Variants in PITPNC1 observed in about 807,000 individuals in gnomAD.
PITPNC1 encodes the protein phosphatidylinositol transfer protein cytoplasmic 1.
PITPNC1 carries 18 observed loss-of-function variants against 44.7 expected under a neutral mutation model. The observed-to-expected ratio is 0.40, with a 90% CI of 0.28 to 0.60. The LOEUF (loss-of-function observed/expected upper bound fraction) is 0.60, where lower values mean the gene tolerates loss of function less well. Ranked by LOEUF, PITPNC1 falls within the 20% of genes least tolerant of loss-of-function variation. The probability of loss-of-function intolerance (pLI) is 0.39; values close to 1 mark genes in which losing one functional copy is unlikely to be tolerated. For synonymous variants in PITPNC1, 141 were observed against 149.6 expected (o/e 0.94, Z 0.42); for missense variants, 290 against 418.4 (o/e 0.69, Z 2.68).
At chr17:67,425,197 G>GCGCGCGCGCGCGCGCGCA (rs748898605) in intron 1 of PITPNC1, among the ~76,000 whole-genome samples, 6 of 98,428 alleles carry the variant, frequency 6.1e-5, no homozygotes, top group Admixed American at 1.1e-4. Context: ...GCGCGCGCAC[G>GCGCGCGCGCGCGCGCGCA]CACACGCACA....
rs1381714898 is a variant in PITPNC1 at position 67,695,250 on chromosome 17, G to A, written c.*2362G>A. The A allele has an allele frequency of 2.0e-5, 3 of 152,124 alleles. No individual in the cohort carries two copies. Among genetic ancestry groups the A allele is most frequent in the Non-Finnish European group, 2.9e-5 (2 of 68,022 alleles). 9.4% of individuals were successfully genotyped at this position (152,124 alleles called of 1,614,324 possible). ...ACATATGCTTTGTGTGAGTTAAAAA[G>A]GGGGTGGGTGGTGTAAATATTCCTT... On this transcript the variant is annotated 3_prime_UTR_variant, in exon 9 of 9. Coordinates refer to ENST00000581322, the MANE Select transcript of PITPNC1 (RefSeq NM_012417.4).
At chr17:67,623,109 C>CAAAAAAAAA (rs1198070826) in intron 5 of PITPNC1, among the ~76,000 whole-genome samples, 7 of 85,274 alleles carry the variant, frequency 8.2e-5, no homozygotes, top group East Asian at 4.1e-4. Context: ...TCCCAAAAGC[C>CAAAAAAAAA]AAAAAAAAAA....
At chr17:67,419,007 G>A (rs1200720947) in intron 1 of PITPNC1, among the ~76,000 whole-genome samples, 1 of 152,164 alleles carries the variant, frequency 6.6e-6, no homozygotes, top group African/African-American at 2.4e-5. Context: ...TCTTAGGTTT[G>A]GCTTGATATT....
chr17:67,418,217 A>G (rs1354709839), intron 1 of PITPNC1, among the ~76,000 whole-genome samples: 1 of 152,220 alleles, frequency 6.6e-6, no homozygotes, highest in East Asian at 1.9e-4. Context: ...CCTTGAGACT[A>G]TATAAAGCTC....
At chr17:67,624,590 C>T (rs1290520766) in intron 5 of PITPNC1, among the ~76,000 whole-genome samples, 3 of 151,956 alleles carry the variant, frequency 2.0e-5, no homozygotes, top group African/African-American at 7.3e-5. Flanking sequence ...GTCATGCAAT[C>T]TTGGCTCAGT....
intron 1 of PITPNC1, among the ~76,000 whole-genome samples, chr17:67,383,396 A>G (rs1345266652): frequency 6.6e-6 from 1 of 152,182 alleles, no homozygotes; most frequent in Non-Finnish European, 1.5e-5. Flanking sequence ...TCCTTGGTGG[A>G]AGAAAATATT....
At chr17:67,561,221 C>T (rs1298150029) in intron 4 of PITPNC1, among the ~76,000 whole-genome samples, 7 of 152,074 alleles carry the variant, frequency 4.6e-5, no homozygotes, top group Non-Finnish European at 7.4e-5. Flanking sequence ...TCTGGGAGGC[C>T]GAGGCAGGTG....
intron 1 of PITPNC1, among the ~76,000 whole-genome samples, chr17:67,401,738 G>C (rs1051106653): frequency 2.6e-5 from 4 of 152,034 alleles, no homozygotes; most frequent in African/African-American, 9.7e-5. Flanking sequence ...CAGATACTCA[G>C]GAGGCTGAGG....
chr17:67,612,471 G>A (rs1466917367), intron 5 of PITPNC1: 1 of 152,290 alleles, frequency 6.6e-6, no homozygotes, highest in Non-Finnish European at 1.5e-5. Flanking sequence ...CTCACTTCCA[G>A]GTGATGAAAT....
At chr17:67,444,937 G>A (rs970867815) in intron 1 of PITPNC1, among the ~76,000 whole-genome samples, 1 of 151,962 alleles carries the variant, frequency 6.6e-6, no homozygotes, top group Non-Finnish European at 1.5e-5. Flanking sequence ...ATTAGTGTGC[G>A]CTGTGGGAGG....
chr17:67,403,147 C>T (rs1381022032), intron 1 of PITPNC1, among the ~76,000 whole-genome samples: 1 of 134,390 alleles, frequency 7.4e-6, no homozygotes, highest in Non-Finnish European at 1.5e-5. Flanking sequence ...TCCCAAGGGG[C>T]CAAGGCGGGA....
At chr17:67,663,567 CA>C (rs1335332776) in intron 6 of PITPNC1, among the ~76,000 whole-genome samples, 2 of 141,710 alleles carry the variant, frequency 1.4e-5, no homozygotes, top group African/African-American at 5.2e-5. Flanking sequence ...GACTCCATCT[CA>C]AAAAAAAAGG....
At chr17:67,489,512 G>A (rs995702508) in intron 1 of PITPNC1, among the ~76,000 whole-genome samples, 1 of 152,156 alleles carries the variant, frequency 6.6e-6, no homozygotes, top group Non-Finnish European at 1.5e-5. Context: ...CATGTTAGCT[G>A]CTCACGGGAT....
intron 1 of PITPNC1, among the ~76,000 whole-genome samples, chr17:67,416,849 G>A (rs1055787994): frequency 6.6e-6 from 1 of 151,908 alleles, no homozygotes; most frequent in African/African-American, 2.4e-5. Context: ...TTTCTCTCTT[G>A]TTGCCCAGGC....
At position 67,587,977 on chromosome 17, in the gene PITPNC1, G is replaced by T. The variant is rs1030625827; in HGVS notation, c.366+9720G>T. 7.9e-5 allele frequency among the ~76,000 whole-genome samples: 12 copies of T among 152,214 alleles called. 1 individual carries two copies. The highest frequency in any genetic ancestry group is 2.6e-4 in the African/African-American group (11 of 41,532). On this transcript the variant is annotated intron_variant, in intron 5 of 8. Transcript: ENST00000581322. ...AGCTGTATTTATTGAGGCTTGCTAT[G>T]ACAATAGCCATCGTGAAGTTTGTTT...
intron 5 of PITPNC1, among the ~76,000 whole-genome samples, chr17:67,586,610 T>C (rs1001727500): frequency 4.6e-5 from 7 of 150,852 alleles, no homozygotes; most frequent in Admixed American, 1.3e-4. Flanking sequence ...AAAAAAAAAA[T>C]GTATACTAAA....
chr17:67,543,029 C>T (rs1185303799), intron 2 of PITPNC1, among the ~76,000 whole-genome samples: 1 of 152,048 alleles, frequency 6.6e-6, no homozygotes, highest in Non-Finnish European at 1.5e-5. Context: ...AAAAAGGAGG[C>T]GTGAGGCTTT....
At chr17:67,626,917 A>G (rs1208289582) in intron 5 of PITPNC1, among the ~76,000 whole-genome samples, 5 of 152,032 alleles carry the variant, frequency 3.3e-5, no homozygotes, top group Non-Finnish European at 7.4e-5. Context: ...TTAGTTCTCC[A>G]GGCACTTATT....
chr17:67,648,851 G>C (rs1198054568), intron 6 of PITPNC1, among the ~76,000 whole-genome samples: 1 of 152,060 alleles, frequency 6.6e-6, no homozygotes, highest in Non-Finnish European at 1.5e-5. Flanking sequence ...ACAGTAGCTG[G>C]GGCATCTGCA....
Sources: gnomAD v4.1 joint callset for allele counts (sites outside exome capture counted in the v4.1 genomes callset) on GRCh38, gnomAD v4.1.1 for gene constraint, MANE v1.5 for transcripts, NCBI Gene and HGNC (gene_info 2026-07-23, HGNC 2026-07-21) for gene names.